LDB2: variants seen among roughly 807,000 people sequenced by gnomAD.
LDB2 encodes the protein LIM domain binding 2.
A neutral mutation model predicts 44.3 loss-of-function variants in LDB2; 12 were observed. The observed-to-expected ratio is 0.27, with a 90% CI of 0.17 to 0.44. LDB2 has a LOEUF of 0.44. Among genes scored for constraint, LDB2 ranks in the 20% least tolerant of loss-of-function variants. LDB2 has a pLI of 1.00. For missense variants in LDB2, 344 were observed against 473.5 expected (o/e 0.73, Z 2.54); for synonymous variants, 164 against 174.8 (o/e 0.94, Z 0.49).
At chr4:16,561,019 C>G (rs1056530951) in intron 5 of LDB2, among the ~76,000 whole-genome samples, 4 of 152,098 alleles carry the variant, frequency 2.6e-5, no homozygotes, top group South Asian at 2.1e-4. Context: ...ATTCAACAAC[C>G]CTTCATGCTA....
At chr4:16,637,494 G>A (rs995151600) in intron 2 of LDB2, among the ~76,000 whole-genome samples, 1 of 151,942 alleles carries the variant, frequency 6.6e-6, no homozygotes, top group Non-Finnish European at 1.5e-5. Flanking sequence ...CCCACTCTGA[G>A]CCAAGTGCAG....
intron 2 of LDB2, among the ~76,000 whole-genome samples, chr4:16,665,351 C>T (rs1299387669): frequency 6.0e-5 from 9 of 150,844 alleles, no homozygotes; most frequent in Admixed American, 6.6e-5. Flanking sequence ...TGGCAACCTC[C>T]GCCTCTCAGG....
intron 5 of LDB2, among the ~76,000 whole-genome samples, chr4:16,526,808 A>G (rs1728412180): frequency 6.6e-6 from 1 of 152,206 alleles, no homozygotes; most frequent in African/African-American, 2.4e-5. Flanking sequence ...CAACACCTTG[A>G]CTTCAGTGCA....
intron 2 of LDB2, among the ~76,000 whole-genome samples, chr4:16,664,385 G>A (rs950643495): frequency 2.0e-4 from 31 of 152,076 alleles, no homozygotes; most frequent in African/African-American, 7.2e-4. Context: ...CCCAGTTTAT[G>A]GTATTTTGTT....
chr4:16,661,065 G>A (rs150925821), intron 2 of LDB2, among the ~76,000 whole-genome samples: 208 of 152,086 alleles, frequency 1.4e-3, no homozygotes, highest in African/African-American at 4.7e-3. Flanking sequence ...CTTTCCAATC[G>A]TTTTTCTAAT....
At chr4:16,894,476 T>C (rs1165093153) in intron 1 of LDB2, among the ~76,000 whole-genome samples, 2 of 152,190 alleles carry the variant, frequency 1.3e-5, no homozygotes, top group Non-Finnish European at 2.9e-5. Flanking sequence ...ATTTAAAATA[T>C]ACTTTTGTTG....
intron 1 of LDB2, among the ~76,000 whole-genome samples, chr4:16,760,848 G>A (rs1465587911): frequency 1.3e-5 from 2 of 152,268 alleles, no homozygotes; most frequent in South Asian, 2.1e-4. Flanking sequence ...CGGAAGACTG[G>A]ATACATTGGT....
chr4:16,870,247 G>A (rs1716087251), intron 1 of LDB2, among the ~76,000 whole-genome samples: 1 of 152,218 alleles, frequency 6.6e-6, no homozygotes, highest in Non-Finnish European at 1.5e-5. Flanking sequence ...GACGAATTCA[G>A]TAGGCAACAG....
intron 5 of LDB2, among the ~76,000 whole-genome samples, chr4:16,525,687 G>C (rs1236489084): frequency 1.3e-5 from 2 of 152,138 alleles, no homozygotes; most frequent in East Asian, 3.8e-4. Context: ...TAAGGGAACT[G>C]CATTTTAATG....
intron 2 of LDB2, among the ~76,000 whole-genome samples, chr4:16,691,076 C>CAA (rs946061404): frequency 1.3e-5 from 2 of 151,948 alleles, no homozygotes; most frequent in African/African-American, 4.8e-5. Flanking sequence ...ACAAGGTGTG[C>CAA]TTCATTATCC....
chr4:16,817,720 T>C (rs559931603), intron 1 of LDB2, among the ~76,000 whole-genome samples: 1 of 152,346 alleles, frequency 6.6e-6, no homozygotes, highest in East Asian at 1.9e-4. Context: ...AAAGTAATCA[T>C]ATAAGGTGGG....
At chr4:16,671,990 G>C (rs1194059100) in intron 2 of LDB2, among the ~76,000 whole-genome samples, 1 of 152,228 alleles carries the variant, frequency 6.6e-6, no homozygotes, top group Non-Finnish European at 1.5e-5. Flanking sequence ...TTCCAGAGCT[G>C]CCTCCTGGCT....
At chr4:16,776,712 C>G (rs979516141) in intron 1 of LDB2, among the ~76,000 whole-genome samples, 1 of 152,156 alleles carries the variant, frequency 6.6e-6, no homozygotes, top group South Asian at 2.1e-4. Flanking sequence ...TGAAATATGT[C>G]ATTTATTAGA....
chr4:16,817,173 C>G (rs749541637), intron 1 of LDB2, among the ~76,000 whole-genome samples: 1 of 152,144 alleles, frequency 6.6e-6, no homozygotes, highest in South Asian at 2.1e-4. Flanking sequence ...TGTAAAGGAT[C>G]GATGTATCAA....
intron 1 of LDB2, among the ~76,000 whole-genome samples, chr4:16,881,594 A>G (rs952431778): frequency 7.8e-6 from 1 of 128,278 alleles, no homozygotes; most frequent in South Asian, 2.6e-4. Context: ...GGGGAGGGGA[A>G]TTTGGGCCTT....
At chr4:16,532,111 C>A (rs1199568899) in intron 5 of LDB2, among the ~76,000 whole-genome samples, 2 of 152,158 alleles carry the variant, frequency 1.3e-5, no homozygotes, top group South Asian at 4.2e-4. Context: ...TCTCTCTTCA[C>A]CCTTCTCTTT....
intron 6 of LDB2, 133 bp from the exon 7 acceptor site, chr4:16,508,819 AGCT>A (rs755904178): frequency 1.2e-5 from 10 of 816,984 alleles, no homozygotes; most frequent in Non-Finnish European, 1.6e-5. Flanking sequence ...CATTTCTTAT[AGCT>A]TTAGAAAGAA....
chr4:16,877,574 G>C (rs1469733020), intron 1 of LDB2, among the ~76,000 whole-genome samples: 1 of 152,178 alleles, frequency 6.6e-6, no homozygotes, highest in Non-Finnish European at 1.5e-5. Flanking sequence ...TCTTGTCACT[G>C]TTAGAGATCC....
In LDB2 at chr4:16,555,905, C is replaced by T. The variant is rs548726690; in HGVS notation, c.615+30017G>A. Among the ~76,000 whole-genome samples, 19 of 152,338 alleles carry T rather than the reference C, an allele frequency of 1.2e-4. 1 individual carries two copies. In the South Asian group the frequency reaches 2.9e-3, roughly 23 times the overall value. On this transcript the variant is annotated intron_variant, in intron 5 of 7. Transcript: ENST00000304523. ...CAATCTCGCGTTACTCTCCCTATCA[C>T]CCCATGCTCCAGCCATGGCCCTTCT...
Sources: gnomAD v4.1 joint callset for allele counts (sites outside exome capture counted in the v4.1 genomes callset) on GRCh38, gnomAD v4.1.1 for gene constraint, MANE v1.5 for transcripts, NCBI Gene and HGNC (gene_info 2026-07-23, HGNC 2026-07-21) for gene names.